Variants in NRXN3 observed in about 807,000 individuals in gnomAD.
NRXN3 encodes the protein neurexin III.
Under a neutral mutation model 137.6 loss-of-function variants are expected in NRXN3, and 32 were observed. The ratio of observed to expected loss-of-function variants is 0.23; its 90% CI spans 0.18 to 0.31. NRXN3 has a LOEUF of 0.31. Ranked by LOEUF, NRXN3 falls within the 10% of genes least tolerant of loss-of-function variation. NRXN3 has a pLI of 1.00. For missense variants in NRXN3, 1,574 were observed against 2,062.5 expected, an observed-to-expected ratio of 0.76 and a Z score of 4.59; for synonymous variants, 798 against 784.5, an observed-to-expected ratio of 1.02 and a Z score of -0.29.
chr14:78,842,142 C>A (rs957868364), intron 10 of NRXN3, among the ~76,000 whole-genome samples: 3 of 152,098 alleles, frequency 2.0e-5, no homozygotes, highest in African/African-American at 4.8e-5. Flanking sequence ...AAGAGTTCAT[C>A]CCGAGGAGAT....
intron 8 of NRXN3, among the ~76,000 whole-genome samples, chr14:78,741,755 T>G (rs527719379): frequency 1.2e-3 from 188 of 152,324 alleles, no homozygotes; most frequent in African/African-American, 4.4e-3. Context: ...TCGTGTACAG[T>G]GGATCTCTAG....
intron 15 of NRXN3, among the ~76,000 whole-genome samples, chr14:79,104,830 T>A (rs1046902666): frequency 1.3e-5 from 2 of 151,974 alleles, no homozygotes; most frequent in Non-Finnish European, 2.9e-5. Flanking sequence ...TAGGGCTTTT[T>A]TTTTTTTCCT....
At position 79,225,641 on chromosome 14, in the gene NRXN3, C is replaced by T. The variant is rs1457483131; in HGVS notation, c.3262+237500C>T. Reference sequence around the variant, plus strand: ...GCAACACTTTTTACCCCCTGAAAGACATCAACACTTTTTACCCCCTGAATC... The same window carrying T: ...GCAACACTTTTTACCCCCTGAAAGATATCAACACTTTTTACCCCCTGAATC... On this transcript the variant is annotated intron_variant, in intron 15 of 20. Transcript: ENST00000335750. Among the ~76,000 whole-genome samples, 3 of 152,086 alleles carry T rather than the reference C, an allele frequency of 2.0e-5. No homozygotes were observed. In the East Asian group the frequency reaches 5.8e-4, roughly 29 times the overall value.
At chr14:78,827,862 C>T (rs905652190) in intron 10 of NRXN3, among the ~76,000 whole-genome samples, 1 of 152,188 alleles carries the variant, frequency 6.6e-6, no homozygotes, top group Non-Finnish European at 1.5e-5. Context: ...CATGGAACAG[C>T]GTTTTCTTGT....
chr14:79,351,154 G>T (rs571379763), intron 15 of NRXN3, among the ~76,000 whole-genome samples: 3 of 152,216 alleles, frequency 2.0e-5, no homozygotes, highest in East Asian at 3.9e-4. Flanking sequence ...TTCTTGCCTG[G>T]TCTGTCTGAC....
At chr14:79,352,500 G>A (rs1178747129) in intron 15 of NRXN3, among the ~76,000 whole-genome samples, 1 of 152,060 alleles carries the variant, frequency 6.6e-6, no homozygotes, top group African/African-American at 2.4e-5. Flanking sequence ...AATGTGTGTG[G>A]AAGCATTATA....
chr14:79,030,137 C>A (rs1027706857), intron 15 of NRXN3, among the ~76,000 whole-genome samples: 1 of 151,118 alleles, frequency 6.6e-6, no homozygotes, highest in Admixed American at 6.6e-5. Context: ...CTGCCTCAGC[C>A]TCCCAAAGAA....
chr14:78,466,021 T>A (rs1325832352), intron 4 of NRXN3, among the ~76,000 whole-genome samples: 2 of 149,268 alleles, frequency 1.3e-5, no homozygotes, highest in East Asian at 4.0e-4. Flanking sequence ...CCGGCTAATT[T>A]TTTTTGTATT....
At chr14:78,684,608 C>T (rs1452693678) in intron 6 of NRXN3, among the ~76,000 whole-genome samples, 2 of 151,738 alleles carry the variant, frequency 1.3e-5, no homozygotes, top group Admixed American at 1.3e-4. Flanking sequence ...AGTTCAAGAC[C>T]AGCTGGGCAA....
At chr14:79,137,282 G>C (rs1230165803) in intron 15 of NRXN3, among the ~76,000 whole-genome samples, 2 of 152,170 alleles carry the variant, frequency 1.3e-5, no homozygotes, top group African/African-American at 4.8e-5. Flanking sequence ...AGAGTGTTCT[G>C]TTCCTGCAGA....
chr14:78,583,365 T>G (rs1239297617), intron 4 of NRXN3, among the ~76,000 whole-genome samples: 1 of 151,638 alleles, frequency 6.6e-6, no homozygotes, highest in Non-Finnish European at 1.5e-5. Context: ...TCTGTAACTT[T>G]AAATAAGGAT....
At chr14:78,737,694 C>T (rs2098547082) in intron 8 of NRXN3, among the ~76,000 whole-genome samples, 1 of 152,154 alleles carries the variant, frequency 6.6e-6, no homozygotes, top group Non-Finnish European at 1.5e-5. Context: ...TAAACGACAG[C>T]TGTGAGTTTA....
At chr14:79,403,495 T>C (rs1160903258) in intron 15 of NRXN3, among the ~76,000 whole-genome samples, 1 of 152,172 alleles carries the variant, frequency 6.6e-6, no homozygotes, top group East Asian at 1.9e-4. Flanking sequence ...TCTTAATCAC[T>C]CAGATGATTT....
intron 15 of NRXN3, among the ~76,000 whole-genome samples, chr14:79,326,926 A>G (rs893270211): frequency 6.6e-5 from 10 of 152,182 alleles, no homozygotes; most frequent in Non-Finnish European, 1.0e-4. Flanking sequence ...CCCATCCTCA[A>G]TGTCCTCCAT....
At chr14:79,361,310 T>C in intron 15 of NRXN3, among the ~76,000 whole-genome samples, 1 of 152,190 alleles carries the variant, frequency 6.6e-6, no homozygotes, top group African/African-American at 2.4e-5. Flanking sequence ...GCTTTTCACT[T>C]CCAACCCCCT....
chr14:78,550,310 T>C (rs1345558697), intron 4 of NRXN3, among the ~76,000 whole-genome samples: 1 of 152,166 alleles, frequency 6.6e-6, no homozygotes, highest in Admixed American at 6.5e-5. Flanking sequence ...GATGATATGC[T>C]GCAAGCCACT....
chr14:78,196,560 A>G (rs1249494909), intron 1 of NRXN3, among the ~76,000 whole-genome samples: 2 of 152,218 alleles, frequency 1.3e-5, no homozygotes, highest in Non-Finnish European at 2.9e-5. Context: ...TGACTGTAGT[A>G]TGGTGTAGCA....
chr14:78,694,842 C>T (rs372525235), intron 6 of NRXN3, among the ~76,000 whole-genome samples: 2 of 152,076 alleles, frequency 1.3e-5, no homozygotes, highest in African/African-American at 4.8e-5. Flanking sequence ...AAGCCTTGTT[C>T]TGGTGTTTTT....
At chr14:79,020,017 G>A (rs1474911187) in intron 15 of NRXN3, among the ~76,000 whole-genome samples, 2 of 152,124 alleles carry the variant, frequency 1.3e-5, no homozygotes, top group African/African-American at 4.8e-5. Context: ...GGCAGGAACT[G>A]ATGGTTTGGT....
Sources: gnomAD v4.1 joint callset for allele counts (sites outside exome capture counted in the v4.1 genomes callset) on GRCh38, gnomAD v4.1.1 for gene constraint, MANE v1.5 for transcripts, NCBI Gene and HGNC (gene_info 2026-07-23, HGNC 2026-07-21) for gene names.